The following BANP variants were observed in gnomAD, a reference collection of about 807,000 sequenced individuals.
The protein encoded by BANP is BTG3 associated nuclear protein, also known as protein BANP.
BANP carries 11 observed loss-of-function variants against 68.1 expected under a neutral mutation model. The observed-to-expected ratio is 0.16, with a 90% CI of 0.10 to 0.27. The LOEUF (loss-of-function observed/expected upper bound fraction) is 0.27. Ranked by LOEUF, BANP falls within the 10% of genes least tolerant of loss-of-function variation. The pLI, the probability that BANP is intolerant of heterozygous loss-of-function variation, is 1.00. For missense variants in BANP, 504 were observed against 722.7 expected, an observed-to-expected ratio of 0.70 and a Z score of 3.47; for synonymous variants, 329 against 303.2, an observed-to-expected ratio of 1.09 and a Z score of -0.88.
chr16:87,982,138 G>A (rs533185783), intron 3 of BANP, among the ~76,000 whole-genome samples: 6 of 152,308 alleles, frequency 3.9e-5, no homozygotes, highest in South Asian at 4.1e-4. Context: ...TAAACACTGC[G>A]TTATCATTCC....
chr16:87,949,875 CT>C (rs922217438), upstream of BANP: 1,491 of 139,838 alleles, frequency 0.011, 13 homozygotes, highest in African/African-American at 0.032. Context: ...TTCTTTCTTT[CT>C]TTTTTTTTTT....
At chr16:88,026,276 C>G (rs372554637) in intron 7 of BANP, among the ~76,000 whole-genome samples, 169 of 152,320 alleles carry the variant, frequency 1.1e-3, no homozygotes, top group African/African-American at 3.8e-3. Flanking sequence ...GGTATAGGGA[C>G]TCCAGGGATG....
At chr16:88,067,995 G>A (rs898653102) in intron 12 of BANP, among the ~76,000 whole-genome samples, 4 of 151,898 alleles carry the variant, frequency 2.6e-5, no homozygotes, top group Non-Finnish European at 4.4e-5. Flanking sequence ...CTGCCTCCTT[G>A]TGTCGTCAGT....
At chr16:88,011,878 A>G (rs1413182824) in intron 6 of BANP, among the ~76,000 whole-genome samples, 5 of 151,704 alleles carry the variant, frequency 3.3e-5, no homozygotes, top group African/African-American at 1.2e-4. Flanking sequence ...TTAAGCATCC[A>G]CTAGTACCTG....
rs918693501 is a variant in BANP, at chr16:88,064,585, G to C, written c.1312-682G>C. On this transcript the variant is annotated intron_variant, in intron 11 of 13. Transcript: ENST00000682872. The surrounding 1 kb of genome is among the most constrained non-coding windows in gnomAD (Gnocchi z 4.5). ...CCGAGGAGAGGGCATCGCCAGGCTG[G>C]GCGCCTGTGTGGCACCACGTGGCAC... is the stretch of plus-strand genomic sequence containing the variant. Among the ~76,000 whole-genome samples the C allele has an allele frequency of 6.6e-6, 1 of 152,252 alleles. No homozygotes were observed. The highest frequency in any genetic ancestry group is 2.4e-5 in the African/African-American group (1 of 41,466).
intron 11 of BANP, among the ~76,000 whole-genome samples, chr16:88,039,765 G>C (rs1463711017): frequency 7.0e-6 from 1 of 143,274 alleles, no homozygotes; most frequent in African/African-American, 2.4e-5. Flanking sequence ...CGGAGGAGTT[G>C]CTGTCTGGAT....
At chr16:88,063,953 A>G (rs542493234) in intron 11 of BANP, among the ~76,000 whole-genome samples, 1 of 152,200 alleles carries the variant, frequency 6.6e-6, no homozygotes, top group Non-Finnish European at 1.5e-5. Flanking sequence ...ATGTTTCTAC[A>G]TTGATTTTGT....
At chr16:87,981,161 G>C (rs1330119411) in intron 3 of BANP, 34 bp downstream of exon 3, 1 of 1,470,926 alleles carries the variant, frequency 6.8e-7, no homozygotes, top group African/African-American at 1.4e-5. Flanking sequence ...GGTGTGTAGT[G>C]CGTTGCAGAT....
chr16:88,076,472 C>A (rs371074655), intron 13 of BANP, 118 bp from the exon 14 acceptor site: 151 of 839,880 alleles, frequency 1.8e-4, no homozygotes, highest in Non-Finnish European at 2.5e-4. Flanking sequence ...AGGGCTCCTT[C>A]GCGCTCCTGT....
At chr16:87,981,201 A>C in intron 3 of BANP, 74 bp downstream of exon 3, 1 of 1,097,720 alleles carries the variant, frequency 9.1e-7, no homozygotes, top group Non-Finnish European at 1.4e-6. Flanking sequence ...AATCACCATC[A>C]ATGGGATGGC....
intron 7 of BANP, among the ~76,000 whole-genome samples, chr16:88,022,465 A>T (rs2076208240): frequency 6.6e-6 from 1 of 152,354 alleles, no homozygotes; most frequent in Middle Eastern, 3.4e-3. Context: ...GACCTGTCAG[A>T]TGATTGTAGT....
intron 3 of BANP, among the ~76,000 whole-genome samples, chr16:87,983,060 G>A (rs1052932004): frequency 7.2e-5 from 11 of 152,060 alleles, no homozygotes; most frequent in African/African-American, 2.4e-4. Context: ...CACCCCTGCT[G>A]TCTCGAGCCT....
chr16:88,038,039 C>T (rs751226491), intron 11 of BANP, 28 bp downstream of exon 11: 16 of 1,482,514 alleles, frequency 1.1e-5, no homozygotes, highest in South Asian at 3.4e-5. Flanking sequence ...CATGCACATG[C>T]GGGCGTTGCG....
At chr16:87,950,113 G>C (rs1293304704), upstream of BANP, among the ~76,000 whole-genome samples, 1 of 152,074 alleles carries the variant, frequency 6.6e-6, no homozygotes, top group Non-Finnish European at 1.5e-5. Context: ...TCCTGACCTC[G>C]TGATCCACCC....
chr16:88,067,664 C>G (rs374584565), intron 12 of BANP, among the ~76,000 whole-genome samples: 4 of 152,096 alleles, frequency 2.6e-5, no homozygotes, highest in East Asian at 1.9e-4. Context: ...AGTGCCCAGC[C>G]CCCCCTGCAC....
chr16:88,056,073 G>C (rs1172928990), intron 11 of BANP, among the ~76,000 whole-genome samples: 2 of 152,202 alleles, frequency 1.3e-5, no homozygotes, highest in African/African-American at 4.8e-5. Flanking sequence ...CAGCTTCCTT[G>C]CCCTGTCTGG....
chr16:88,052,915 AAC>A (rs2083623697), intron 11 of BANP, among the ~76,000 whole-genome samples: 1 of 151,788 alleles, frequency 6.6e-6, no homozygotes. Context: ...CATCATCACC[AAC>A]ACAACCACCT....
intron 4 of BANP, among the ~76,000 whole-genome samples, chr16:87,987,988 C>G (rs529795360): frequency 1.3e-5 from 2 of 152,062 alleles, no homozygotes; most frequent in African/African-American, 4.8e-5. Flanking sequence ...GGGCATCTTT[C>G]CATACAAGTC....
intron 6 of BANP, among the ~76,000 whole-genome samples, chr16:88,006,911 C>T (rs2071348106): frequency 7.1e-6 from 1 of 141,734 alleles, no homozygotes; most frequent in Non-Finnish European, 1.5e-5. Flanking sequence ...GAGATCGCAC[C>T]ACTGTACTCT....
Sources: gnomAD v4.1 joint callset for allele counts (sites outside exome capture counted in the v4.1 genomes callset) on GRCh38, gnomAD v4.1.1 for gene constraint, Gnocchi (gnomAD v3.1) non-coding constraint, MANE v1.5 for transcripts, NCBI Gene and HGNC (gene_info 2026-07-23, HGNC 2026-07-21) for gene names.